CENPP: variants seen among roughly 807,000 people sequenced by gnomAD.
CENPP encodes the protein centromere protein P.
Under a neutral mutation model 35.6 loss-of-function variants are expected in CENPP, and 24 were observed. The observed-to-expected ratio is 0.67, with a 90% confidence interval of 0.49 to 0.95. The LOEUF is 0.95. CENPP is among the 40% of genes least tolerant of loss of function. The probability of loss-of-function intolerance (pLI) is 0.00; values close to 1 mark genes in which losing one functional copy is unlikely to be tolerated. For missense variants in CENPP, 332 were observed against 345.3 expected, an observed-to-expected ratio of 0.96 and a Z score of 0.31; for synonymous variants, 120 against 125.5, an observed-to-expected ratio of 0.96 and a Z score of 0.29.
At chr9:92,506,622 G>T (rs752953473) in intron 5 of CENPP, among the ~76,000 whole-genome samples, 2 of 152,214 alleles carry the variant, frequency 1.3e-5, no homozygotes, top group Non-Finnish European at 2.9e-5. Context: ...AGCAAAGACG[G>T]TTGCATCAGG....
rs571292892 is a variant in CENPP, at chr9:92,428,092, T to C, written c.564+48233T>C. Reference sequence around the variant, plus strand: ...CAGAAAGGCCACTTGGGCAGCCCTATAGAAACAGTCCAAACATTAATTGCA... The same window carrying C: ...CAGAAAGGCCACTTGGGCAGCCCTACAGAAACAGTCCAAACATTAATTGCA... On this transcript the variant is annotated intron_variant, in intron 5 of 7. Coordinates refer to ENST00000375587, the MANE Select transcript of CENPP (RefSeq NM_001012267.3). 1.2e-4 allele frequency among the ~76,000 whole-genome samples: 18 copies of C among 152,308 alleles called. No homozygotes were observed. The South Asian group carries it at 3.5e-3, about 30-fold the overall frequency.
intron 5 of CENPP, chr9:92,456,914 A>G (rs1440567343): frequency 9.9e-7 from 1 of 1,009,328 alleles, no homozygotes; most frequent in African/African-American, 1.7e-5. Context: ...ATGAAAGAGC[A>G]CAAATTTTGC....
intron 5 of CENPP, among the ~76,000 whole-genome samples, chr9:92,552,186 C>CAT (rs199721925): frequency 9.4e-6 from 1 of 106,646 alleles, no homozygotes; most frequent in African/African-American, 5.9e-5. Context: ...ATAGATCTAT[C>CAT]ATATACACAC....
chr9:92,495,699 G>T (rs1846311214), intron 5 of CENPP: 1 of 891,366 alleles, frequency 1.1e-6, no homozygotes, highest in East Asian at 1.2e-4. Context: ...TGTTAACAAT[G>T]TACATAACCA....
At chr9:92,491,921 C>T (rs1049348383) in intron 5 of CENPP, among the ~76,000 whole-genome samples, 2 of 152,136 alleles carry the variant, frequency 1.3e-5, no homozygotes, top group South Asian at 4.1e-4. Context: ...GAGGAGCCCT[C>T]GTCTTGCCTC....
chr9:92,325,935 G>A (rs1840458853), upstream of CENPP: 1 of 1,396,524 alleles, frequency 7.2e-7, no homozygotes, highest in Non-Finnish European at 9.9e-7. Flanking sequence ...CTTGAAGCGC[G>A]GGTGAAGCGC....
chr9:92,505,423 C>A, intron 5 of CENPP: 1 of 975,042 alleles, frequency 1.0e-6, no homozygotes. Context: ...CTGTATACAG[C>A]ATGAAACTAG....
At chr9:92,412,071 A>C (rs1263310623) in intron 5 of CENPP, among the ~76,000 whole-genome samples, 1 of 151,884 alleles carries the variant, frequency 6.6e-6, no homozygotes, top group Non-Finnish European at 1.5e-5. Flanking sequence ...AATTTAATTA[A>C]TGAATTAATT....
intron 5 of CENPP, chr9:92,509,953 C>A (rs1169255355): frequency 1.2e-6 from 2 of 1,610,740 alleles, no homozygotes; most frequent in African/African-American, 1.3e-5. Context: ...ACTTTAAGTT[C>A]TTCTAATGTA....
intron 5 of CENPP, among the ~76,000 whole-genome samples, chr9:92,471,484 C>T (rs1245133140): frequency 2.6e-5 from 4 of 151,862 alleles, no homozygotes; most frequent in African/African-American, 7.3e-5. Flanking sequence ...CGTGAGCCAC[C>T]GCACCCAGCC....
At chr9:92,405,902 G>A (rs1252898808) in intron 5 of CENPP, among the ~76,000 whole-genome samples, 3 of 152,200 alleles carry the variant, frequency 2.0e-5, no homozygotes, top group Admixed American at 6.5e-5. Flanking sequence ...CTTCAGACAC[G>A]TAAGCTCAGA....
At chr9:92,483,249 G>A (rs1845968856) in intron 5 of CENPP, among the ~76,000 whole-genome samples, 1 of 147,294 alleles carries the variant, frequency 6.8e-6, no homozygotes, top group Non-Finnish European at 1.5e-5. Context: ...TTTTTTTTGA[G>A]ACGGAGTCTC....
chr9:92,514,903 G>C, intron 5 of CENPP: 1 of 1,612,916 alleles, frequency 6.2e-7, no homozygotes, highest in Non-Finnish European at 8.5e-7. Context: ...TTGCTGGTGT[G>C]CCAGCCTCCT....
In CENPP at chr9:92,361,976, G is replaced by C. The variant is rs551567977; in HGVS notation, c.467+16189G>C. On this transcript the variant is annotated intron_variant, in intron 4 of 7. Transcript: ENST00000375587. ...TGGGGAGTGGAGGTTGCAGTGAGCTGACATTGTGCCACTGCACTCCAGCCT... is the reference window on the plus strand; with the variant it reads ...TGGGGAGTGGAGGTTGCAGTGAGCTCACATTGTGCCACTGCACTCCAGCCT... Among the ~76,000 whole-genome samples, 34 of 151,810 alleles carry C rather than the reference G, an allele frequency of 2.2e-4. No individual in the cohort carries two copies. In the South Asian group the frequency reaches 7.1e-3, roughly 32 times the overall value.
chr9:92,395,010 C>T (rs896037265), intron 5 of CENPP, among the ~76,000 whole-genome samples: 5 of 152,128 alleles, frequency 3.3e-5, no homozygotes, highest in African/African-American at 7.2e-5. Context: ...AGATTAGGCC[C>T]TTTCAAGCTT....
At chr9:92,511,827 G>A (rs535350678) in intron 5 of CENPP, among the ~76,000 whole-genome samples, 3 of 152,318 alleles carry the variant, frequency 2.0e-5, no homozygotes, top group African/African-American at 7.2e-5. Context: ...CTAAAAGTAT[G>A]TAAAATAGTA....
At chr9:92,570,150 C>G (rs1850096989) in intron 5 of CENPP, among the ~76,000 whole-genome samples, 1 of 152,150 alleles carries the variant, frequency 6.6e-6, no homozygotes, top group South Asian at 2.1e-4. Flanking sequence ...GCATCCCTGT[C>G]TTGTGCCAGT....
intron 5 of CENPP, among the ~76,000 whole-genome samples, chr9:92,558,805 C>G (rs145059315): frequency 3.4e-4 from 52 of 152,132 alleles, no homozygotes; most frequent in African/African-American, 1.2e-3. Context: ...GTGGGTCTTG[C>G]TGCGGCTGCT....
intron 4 of CENPP, among the ~76,000 whole-genome samples, chr9:92,368,090 G>A (rs1171459598): frequency 6.6e-6 from 1 of 152,056 alleles, no homozygotes; most frequent in African/African-American, 2.4e-5. Context: ...AAGTTCTTAT[G>A]TGTGAATAAG....
Sources: gnomAD v4.1 joint callset for allele counts (sites outside exome capture counted in the v4.1 genomes callset) on GRCh38, gnomAD v4.1.1 for gene constraint, MANE v1.5 for transcripts, NCBI Gene and HGNC (gene_info 2026-07-23, HGNC 2026-07-21) for gene names.